The following NPAS3 variants were observed in gnomAD, a reference collection of about 807,000 sequenced individuals.
NPAS3 encodes the protein neuronal PAS domain-containing protein 3.
NPAS3 carries 14 observed loss-of-function variants against 73.1 expected under a neutral mutation model. The ratio of observed to expected loss-of-function variants is 0.19; its 90% confidence interval spans 0.13 to 0.30. The LOEUF is 0.30. Among genes scored for constraint, NPAS3 ranks in the 10% least tolerant of loss-of-function variants. The pLI, the probability that NPAS3 is intolerant of heterozygous loss-of-function variation, is 1.00. For missense variants in NPAS3, 1,096 were observed against 1,250.0 expected (o/e 0.88, Z 1.86); for synonymous variants, 620 against 541.5 (o/e 1.14, Z -2.01).
intron 5 of NPAS3, among the ~76,000 whole-genome samples, chr14:33,674,601 C>A (rs1315710115): frequency 2.0e-5 from 3 of 152,140 alleles, no homozygotes; most frequent in Admixed American, 6.5e-5. Context: ...CACTGTGAAT[C>A]CCGATTTACG....
At chr14:33,082,942 C>T (rs1205112044) in intron 2 of NPAS3, among the ~76,000 whole-genome samples, 2 of 152,006 alleles carry the variant, frequency 1.3e-5, no homozygotes, top group African/African-American at 4.8e-5. Context: ...CCTTGGGAGG[C>T]TGAGATAGGC....
At chr14:33,379,978 G>A (rs760701328) in intron 4 of NPAS3, among the ~76,000 whole-genome samples, 18 of 1,636 alleles carry the variant, frequency 0.011, no homozygotes, top group Non-Finnish European at 0.11. Context: ...GTTATCCCTC[G>A]TGTGTGTGTG....
chr14:33,542,456 G>T (rs1023587078), intron 4 of NPAS3, among the ~76,000 whole-genome samples: 1 of 152,060 alleles, frequency 6.6e-6, no homozygotes, highest in African/African-American at 2.4e-5. Flanking sequence ...TGTTCTCGTC[G>T]CCCCTCAAGC....
intron 5 of NPAS3, among the ~76,000 whole-genome samples, chr14:33,615,852 G>A (rs896639356): frequency 2.6e-5 from 4 of 152,090 alleles, no homozygotes; most frequent in African/African-American, 4.8e-5. Flanking sequence ...ACTAGATTAT[G>A]GTCTTTAAAA....
intron 3 of NPAS3, among the ~76,000 whole-genome samples, chr14:33,241,217 G>T (rs577965729): frequency 6.6e-6 from 1 of 151,854 alleles, no homozygotes; most frequent in African/African-American, 2.4e-5. Flanking sequence ...GATTTACTTA[G>T]GTGTCCTAGA....
chr14:33,682,142 T>G (rs1649176444), intron 6 of NPAS3, among the ~76,000 whole-genome samples: 1 of 152,206 alleles, frequency 6.6e-6, no homozygotes, highest in South Asian at 2.1e-4. Flanking sequence ...AAACACACAT[T>G]TAATTGCTTT....
At chr14:33,417,073 T>C (rs972619987) in intron 4 of NPAS3, among the ~76,000 whole-genome samples, 4 of 152,076 alleles carry the variant, frequency 2.6e-5, no homozygotes, top group Admixed American at 6.6e-5. Flanking sequence ...TTCAGGAAAG[T>C]ATATGCAAGA....
chr14:33,045,484 T>C (rs1317854966), intron 1 of NPAS3, among the ~76,000 whole-genome samples: 2 of 152,256 alleles, frequency 1.3e-5, no homozygotes, highest in Admixed American at 6.5e-5. Flanking sequence ...ATTTAGTAAG[T>C]GACCAGAAGC....
At chr14:33,310,206 C>T (rs1174738087) in intron 3 of NPAS3, among the ~76,000 whole-genome samples, 1 of 152,030 alleles carries the variant, frequency 6.6e-6, no homozygotes, top group Non-Finnish European at 1.5e-5. Context: ...TAAGAAGGGA[C>T]TTGTATCCTT....
intron 7 of NPAS3, among the ~76,000 whole-genome samples, chr14:33,738,303 C>T (rs1038816142): frequency 6.6e-6 from 1 of 152,172 alleles, no homozygotes; most frequent in African/African-American, 2.4e-5. Context: ...CCGCTTGGCC[C>T]CTCTGCTTCA....
intron 4 of NPAS3, among the ~76,000 whole-genome samples, chr14:33,375,530 T>C (rs541570257): frequency 1.3e-5 from 2 of 152,324 alleles, no homozygotes; most frequent in East Asian, 3.9e-4. Flanking sequence ...ATATTTAAAT[T>C]AGTTGCTTTT....
At chr14:33,590,862 A>G (rs1023532342) in intron 5 of NPAS3, among the ~76,000 whole-genome samples, 16 of 152,164 alleles carry the variant, frequency 1.1e-4, no homozygotes, top group African/African-American at 3.4e-4. Flanking sequence ...TATTTATTCC[A>G]AAAAGATTTA....
intron 1 of NPAS3, among the ~76,000 whole-genome samples, chr14:33,004,360 T>C (rs113944625): frequency 0.011 from 1,641 of 152,298 alleles, 25 homozygotes; most frequent in African/African-American, 0.037. Context: ...CAGCATGTTA[T>C]TGTACTGAAT....
intron 3 of NPAS3, among the ~76,000 whole-genome samples, chr14:33,300,100 TG>T (rs1379267297): frequency 6.6e-6 from 1 of 152,226 alleles, no homozygotes; most frequent in Non-Finnish European, 1.5e-5. Flanking sequence ...GATTAAAACA[TG>T]TTCAAAGATT....
intron 2 of NPAS3, among the ~76,000 whole-genome samples, chr14:33,104,071 G>A (rs1026729833): frequency 1.3e-5 from 2 of 152,112 alleles, no homozygotes; most frequent in Admixed American, 1.3e-4. Flanking sequence ...CAGAACTACA[G>A]AATGCTGTAA....
At chr14:33,177,257 C>T (rs959380471) in intron 2 of NPAS3, among the ~76,000 whole-genome samples, 3 of 151,608 alleles carry the variant, frequency 2.0e-5, no homozygotes, top group Admixed American at 6.6e-5. Context: ...CCACCATGTC[C>T]GGCTAATTTT....
chr14:33,153,825 G>A (rs969637681), intron 2 of NPAS3, among the ~76,000 whole-genome samples: 1 of 152,076 alleles, frequency 6.6e-6, no homozygotes, highest in African/African-American at 2.4e-5. Context: ...TCTCAGCATT[G>A]CATACTGTTG....
intron 2 of NPAS3, among the ~76,000 whole-genome samples, chr14:33,205,638 A>G (rs1185032203): frequency 6.6e-6 from 1 of 152,182 alleles, no homozygotes; most frequent in East Asian, 1.9e-4. Context: ...TGTAGTGTTT[A>G]AAAAGGGGAA....
intron 4 of NPAS3, among the ~76,000 whole-genome samples, chr14:33,533,897 T>G (rs746916217): frequency 2.6e-5 from 4 of 152,136 alleles, no homozygotes; most frequent in Admixed American, 6.6e-5. Context: ...TATAAATGTA[T>G]ATGACAAATA....
Sources: gnomAD v4.1 joint callset for allele counts (sites outside exome capture counted in the v4.1 genomes callset) on GRCh38, gnomAD v4.1.1 for gene constraint, MANE v1.5 for transcripts, NCBI Gene and HGNC (gene_info 2026-07-23, HGNC 2026-07-21) for gene names.